The following LRCH4 variants were observed in gnomAD, a reference collection of about 807,000 sequenced individuals.
The protein encoded by LRCH4 is leucine-rich repeat and calponin homology domain-containing protein 4.
LRCH4 carries 56 observed loss-of-function variants against 81.2 expected under a neutral mutation model. That is an observed-to-expected ratio of 0.69 (90% CI 0.56 to 0.86). LRCH4 has a LOEUF of 0.86. Ranked by LOEUF, LRCH4 falls within the 40% of genes least tolerant of loss-of-function variation. The pLI is 0.00. For missense variants in LRCH4, 895 were observed against 922.8 expected (o/e 0.97, Z 0.39); for synonymous variants, 442 against 409.7 (o/e 1.08, Z -0.95).
chr7:100,575,982 G>A lies in LRCH4; in HGVS notation c.1665C>T (p.Pro555=), dbSNP rs764670304. 2 of 1,607,564 alleles carry A rather than the reference G, an allele frequency of 1.2e-6. No individual in the cohort carries two copies. The highest frequency in any genetic ancestry group is 2.2e-5 in the East Asian group (1 of 44,782). The change falls in exon 16 of 18, where the codon CCC becomes CCT. Residue 555 remains proline (P), a synonymous_variant. Transcript: ENST00000310300. The surrounding 1 kb of genome is among the most constrained non-coding windows in gnomAD (Gnocchi z 5.3). ...RQVLESRLQR[P]LPEDLAEALA... ...GAGCCTCGGCCAGGTCCTCAGGCAG[G>A]GGCCGCTGCAGCCGGGACTCAAGGA...
In LRCH4 at chr7:100,581,449, G is replaced by A. The variant is rs559826204; in HGVS notation, c.598+328C>T. 9.2e-5 allele frequency among the ~76,000 whole-genome samples: 14 copies of A among 152,274 alleles called. No homozygotes were observed. The South Asian group carries it at 1.2e-3, about 14-fold the overall frequency. ...CCCCAAAGTGATGGGATTAGGAAGC[G>A]AGGCCTTAGGGAAGTAATTGAGATC... is the stretch of plus-strand genomic sequence containing the variant. On this transcript the variant is annotated intron_variant, in intron 4 of 17. Transcript: ENST00000310300.
Position 100,583,893 on chromosome 7 carries a change from G to C in LRCH4, c.221-1434C>G. Reference sequence around the variant, plus strand: ...TTCTGATGGGGTAGGCGGTGGCGGGGACAAAAGCTAGGAGCGGAAGGGAGC... The same window carrying C: ...TTCTGATGGGGTAGGCGGTGGCGGGCACAAAAGCTAGGAGCGGAAGGGAGC... On this transcript the variant is annotated intron_variant, in intron 1 of 17. Transcript: ENST00000310300. This position sits in a 1 kb window ranked among gnomAD's most constrained non-coding sequence, Gnocchi z 4.3. The C allele has an allele frequency of 6.7e-6, 2 of 296,858 alleles. No individual in the cohort carries two copies. Among genetic ancestry groups the C allele is most frequent in the South Asian group, 5.6e-5 (2 of 35,664 alleles). 18.4% of individuals were successfully genotyped at this position (296,858 alleles called of 1,614,324 possible). A position where few individuals can be genotyped will look rare whatever the true frequency, so the allele number is the denominator to read the frequency against.
intron 15 of LRCH4, 106 bp from the exon 16 acceptor site, chr7:100,576,114 C>T (rs762368373): frequency 4.2e-4 from 617 of 1,485,348 alleles, no homozygotes; most frequent in Non-Finnish European, 5.2e-4. Context: ...CCTGTCCCTT[C>T]CTGTCCTCAG....
chr7:100,575,095 C>A lies in LRCH4; in HGVS notation c.*12G>T, dbSNP rs779087786. 1 of 1,600,016 alleles carries A rather than the reference C, an allele frequency of 6.2e-7. No homozygotes were observed. The highest frequency in any genetic ancestry group is 1.3e-5 in the African/African-American group (1 of 74,490). On this transcript the variant is annotated 3_prime_UTR_variant, in exon 18 of 18. Coordinates refer to ENST00000310300, the MANE Select transcript of LRCH4 (RefSeq NM_002319.5). This position sits in a 1 kb window ranked among gnomAD's most constrained non-coding sequence, Gnocchi z 5.3. Reference sequence around the variant, plus strand: ...GGAAGGGAAAGGGGTGAGGGAGGGCCGATTTTGGGGCCTAGGAACCCAGGA... The same window carrying A: ...GGAAGGGAAAGGGGTGAGGGAGGGCAGATTTTGGGGCCTAGGAACCCAGGA...
rs535764689 is a variant in LRCH4, at chr7:100,578,083, A to G, written c.948+76T>C. The G allele has an allele frequency of 8.9e-6, 13 of 1,468,682 alleles. No homozygotes were observed. In the East Asian group the frequency reaches 2.5e-4, roughly 28 times the overall value. 91.0% of individuals were successfully genotyped at this position (1,468,682 alleles called of 1,614,324 possible). A position where few individuals can be genotyped will look rare whatever the true frequency, so the allele number is the denominator to read the frequency against. ...CTCCAGCCTCTGCCTGGCACCCTGCAATTTGGAGGTCCCCAGTTCAGAGGT... is the reference window on the plus strand; with the variant it reads ...CTCCAGCCTCTGCCTGGCACCCTGCGATTTGGAGGTCCCCAGTTCAGAGGT... On this transcript the variant is annotated intron_variant, in intron 7 of 17. Transcript: ENST00000310300. The surrounding 1 kb of genome is among the most constrained non-coding windows in gnomAD (Gnocchi z 5.7).
chr7:100,576,643 C>T (rs532308510), intron 14 of LRCH4, 51 bp downstream of exon 14: 10 of 1,468,752 alleles, frequency 6.8e-6, no homozygotes, highest in African/African-American at 2.8e-5. Context: ...GTGATGTAGC[C>T]GTTGGTGCTG....
At position 100,582,006 on chromosome 7, in the gene LRCH4, A is replaced by G. The variant is rs748989329; in HGVS notation, c.492+35T>C. On this transcript the variant is annotated intron_variant, in intron 3 of 17. Coordinates refer to ENST00000310300, the MANE Select transcript of LRCH4 (RefSeq NM_002319.5). The surrounding 1 kb of genome is among the most constrained non-coding windows in gnomAD (Gnocchi z 5.0). ...CCTAGAAGGTCCCGCTGCCTGGCTC[A>G]GGGGTCCCTTTCCTGGTCCCGTCCC... 1.3e-5 allele frequency: 21 copies of G among 1,600,284 alleles called. No homozygotes were observed. The South Asian group carries it at 2.0e-4, about 15-fold the overall frequency.
At chr7:100,576,070 G>C (rs1801348758) in intron 15 of LRCH4, 62 bp from the exon 16 acceptor site, 1 of 1,549,004 alleles carries the variant, frequency 6.5e-7, no homozygotes, top group Non-Finnish European at 8.7e-7. Context: ...GAGGCAGGGA[G>C]AGTGGGGGGC....
chr7:100,576,233 C>T lies in LRCH4; in HGVS notation c.1638+5G>A, dbSNP rs1409835681. 1 of 1,613,818 alleles carries T rather than the reference C, an allele frequency of 6.2e-7. No individual in the cohort carries two copies. ...CCTGCCCACGCAGCTCCCGCCTCTG[C>T]TCACCTGGCGCAGCTGAGTCATTAA... On this transcript the variant is annotated splice_donor_5th_base_variant and intron_variant, in intron 15 of 17. Transcript: ENST00000310300.
intron 4 of LRCH4, 62 bp downstream of exon 4, chr7:100,581,715 C>A: frequency 6.8e-7 from 1 of 1,465,828 alleles, no homozygotes. Context: ...TTCGTTACCG[C>A]AGCCTGAGCC....
In LRCH4 at chr7:100,575,549, G is replaced by C. The variant is rs547855694; in HGVS notation, c.1854+156C>G. The C allele has an allele frequency of 1.0e-6, 1 of 958,418 alleles. No homozygotes were observed. The highest frequency in any genetic ancestry group is 1.6e-5 in the African/African-American group (1 of 62,284). 59.4% of individuals were successfully genotyped at this position (958,418 alleles called of 1,614,324 possible). A position where few individuals can be genotyped will look rare whatever the true frequency, so the allele number is the denominator to read the frequency against. On this transcript the variant is annotated intron_variant, in intron 17 of 17. Transcript: ENST00000310300. This position sits in a 1 kb window ranked among gnomAD's most constrained non-coding sequence, Gnocchi z 5.3. ...TGTAGGACAGGTGACATGCAGGGCA[G>C]GGGGCATGCAGGGCAGGGGGCATGC... is the stretch of plus-strand genomic sequence containing the variant.
Position 100,575,567 on chromosome 7 carries a change from G to A in LRCH4, c.1854+138C>T, listed in dbSNP as rs530103249. The A allele has an allele frequency of 1.6e-4, 166 of 1,058,738 alleles. No individual in the cohort carries two copies. The highest frequency in any genetic ancestry group is 5.7e-4 in the Admixed American group (34 of 59,286). The allele number at this position is 1,058,738 out of a possible 1,614,324, so 65.6% of individuals were successfully genotyped here. A position where few individuals can be genotyped will look rare whatever the true frequency, so the allele number is the denominator to read the frequency against. ...CAGGGCAGGGGGCATGCAGGGCAGG[G>A]GGCATGCTGGGCAGGGCAGGGGCAG... On this transcript the variant is annotated intron_variant, in intron 17 of 17. Coordinates refer to ENST00000310300, the MANE Select transcript of LRCH4 (RefSeq NM_002319.5). This position sits in a 1 kb window ranked among gnomAD's most constrained non-coding sequence, Gnocchi z 5.3.
Position 100,578,385 on chromosome 7 carries a change from C to A in LRCH4, c.848+14G>T. 1 of 1,611,868 alleles carries A rather than the reference C, an allele frequency of 6.2e-7. No individual in the cohort carries two copies. Among genetic ancestry groups the A allele is most frequent in the Non-Finnish European group, 8.5e-7 (1 of 1,178,446 alleles). The stretch of plus-strand genomic sequence containing the variant: ...AGTATCCCAGGGCTTCCTTCCTCCC[C>A]ACCTAGGACTTACCAGGGACTGAAA... On this transcript the variant is annotated intron_variant, in intron 6 of 17. Transcript: ENST00000310300. This position sits in a 1 kb window ranked among gnomAD's most constrained non-coding sequence, Gnocchi z 5.7.
intron 4 of LRCH4, 114 bp downstream of exon 4, chr7:100,581,663 A>C: frequency 1.2e-6 from 1 of 841,040 alleles, no homozygotes; most frequent in Non-Finnish European, 1.9e-6. Context: ...AACTGTGAAA[A>C]ATGAATGCCT....
rs1409715891 is a variant in LRCH4, at chr7:100,577,780, G to A, written c.1040-40C>T. ...ATGTCAGCAAGTGAGCGGGGACCCA[G>A]GCCCTGGTCCAGCCCAGCTCCCGGC... On this transcript the variant is annotated intron_variant, in intron 8 of 17. Coordinates refer to ENST00000310300, the MANE Select transcript of LRCH4 (RefSeq NM_002319.5). This position sits in a 1 kb window ranked among gnomAD's most constrained non-coding sequence, Gnocchi z 6.7. 6.2e-7 allele frequency: 1 copy of A among 1,613,718 alleles called. No individual in the cohort carries two copies. The highest frequency in any genetic ancestry group is 1.3e-5 in the African/African-American group (1 of 74,924).
rs781699290 is a variant in LRCH4 at position 100,578,533 on chromosome 7, C to CCAGGGAGTTGG, written c.736-33_736-23dup. On this transcript the variant is annotated intron_variant, in intron 5 of 17. Coordinates refer to ENST00000310300, the MANE Select transcript of LRCH4 (RefSeq NM_002319.5). The surrounding 1 kb of genome is among the most constrained non-coding windows in gnomAD (Gnocchi z 5.7). ...AGACCTGTGTGCGGGGCAGCACACG[C>CCAGGGAGTTGG]CAGGGAGTTGGCAGGGAGGGCAGCT... The CCAGGGAGTTGG allele has an allele frequency of 1.2e-6, 2 of 1,606,306 alleles. No homozygotes were observed. The highest frequency in any genetic ancestry group is 1.1e-5 in the South Asian group (1 of 90,368).
rs777783218 is a variant in LRCH4, at chr7:100,577,297, G to T, written c.1271C>A (p.Ala424Glu). The change falls in exon 11 of 18, where the codon GCG becomes GAG. Residue 424 changes from alanine (A) to glutamate (E), a missense_variant. Transcript: ENST00000310300. This position sits in a 1 kb window ranked among gnomAD's most constrained non-coding sequence, Gnocchi z 6.7. Reference protein sequence around the residue: ...RERRQQQQSGAWGAPRKDSLL... With the variant: ...RERRQQQQSGEWGAPRKDSLL... Reference sequence around the variant, plus strand: ...CCTATCCTTCCTCGGGGCCCCCCACGCCCCGCTCTGCTGCTGCTGCCGCCG... The same window carrying T: ...CCTATCCTTCCTCGGGGCCCCCCACTCCCCGCTCTGCTGCTGCTGCCGCCG... 3.8e-6 allele frequency: 6 copies of T among 1,597,598 alleles called. No homozygotes were observed. The African/African-American group carries it at 8.0e-5, about 21-fold the overall frequency.
Position 100,577,252 on chromosome 7 carries a change from C to A in LRCH4, c.1295+21G>T. On this transcript the variant is annotated intron_variant, in intron 11 of 17. Coordinates refer to ENST00000310300, the MANE Select transcript of LRCH4 (RefSeq NM_002319.5). This position sits in a 1 kb window ranked among gnomAD's most constrained non-coding sequence, Gnocchi z 6.7. ...CAGGGCTCAGTGTCCAGCAACAGCC[C>A]CGGGCGGCCCTGGGTCCCACCTATC... The A allele has an allele frequency of 6.2e-7, 1 of 1,603,752 alleles. No homozygotes were observed.
chr7:100,581,770 T>G lies in LRCH4; in HGVS notation c.598+7A>C. On this transcript the variant is annotated splice_region_variant and intron_variant, in intron 4 of 17. Transcript: ENST00000310300. Reference sequence around the variant, plus strand: ...ACACCTCCTCTCCAGTTCTTCATTCTTCTCACCTTCGGGCAGCGTACTGAG... The same window carrying G: ...ACACCTCCTCTCCAGTTCTTCATTCGTCTCACCTTCGGGCAGCGTACTGAG... 1.2e-6 allele frequency: 2 copies of G among 1,613,886 alleles called. No homozygotes were observed. The highest frequency in any genetic ancestry group is 2.2e-5 in the South Asian group (2 of 91,074).
Sources: gnomAD v4.1 joint callset for allele counts (sites outside exome capture counted in the v4.1 genomes callset) on GRCh38, gnomAD v4.1.1 for gene constraint, Gnocchi (gnomAD v3.1) non-coding constraint, MANE v1.5 for transcripts, NCBI Gene and HGNC (gene_info 2026-07-23, HGNC 2026-07-21) for gene names.